SPRY3: variants seen among roughly 807,000 people sequenced by gnomAD.
SPRY3 encodes the protein sprouty RTK signaling antagonist 3, also known as protein sprouty homolog 3.
SPRY3 carries 15 observed loss-of-function variants against 20.2 expected under a neutral mutation model. The ratio of observed to expected loss-of-function variants is 0.74; its 90% CI spans 0.50 to 1.14. The LOEUF (loss-of-function observed/expected upper bound fraction) is 1.14, where lower values mean the gene tolerates loss of function less well. Ranked by LOEUF, SPRY3 falls within the 50% of genes most tolerant of loss-of-function variation. The probability of loss-of-function intolerance (pLI) is 0.00; values close to 1 mark genes in which losing one functional copy is unlikely to be tolerated. For missense variants in SPRY3, 364 were observed against 363.9 expected (o/e 1.00, Z 0.00); for synonymous variants, 143 against 136.5 (o/e 1.05, Z -0.33).
intron 2 of SPRY3, among the ~76,000 whole-genome samples, chrX:155,752,991 T>C (rs188585594): frequency 2.0e-5 from 3 of 152,028 alleles, no homozygotes; most frequent in South Asian, 2.1e-4. Context: ...ATTTATTAGT[T>C]AGAGACAGGT....
At chrX:155,721,308 T>C (rs2091055759) in intron 2 of SPRY3, among the ~76,000 whole-genome samples, 1 of 151,760 alleles carries the variant, frequency 6.6e-6, no homozygotes, top group Non-Finnish European at 1.5e-5. Flanking sequence ...ATCTAGAAAA[T>C]AGCCTGAAAA....
chrX:155,621,064 C>T (rs782016213), intron 1 of SPRY3, among the ~76,000 whole-genome samples: 2 of 111,474 alleles, frequency 1.8e-5, no homozygotes, highest in Non-Finnish European at 3.8e-5. Flanking sequence ...CCAGTAATGC[C>T]AATGGCTGCC....
At chrX:155,736,471 T>C (rs920816982) in intron 2 of SPRY3, among the ~76,000 whole-genome samples, 3 of 151,994 alleles carry the variant, frequency 2.0e-5, no homozygotes, top group African/African-American at 4.8e-5. Context: ...AACTCTAGGT[T>C]GGTGGGTTTT....
chrX:155,663,034 T>G (rs185655678), intron 2 of SPRY3, among the ~76,000 whole-genome samples: 103 of 112,102 alleles, frequency 9.2e-4, no homozygotes, highest in African/African-American at 3.2e-3. Context: ...TAATGTAGTA[T>G]TAGAGTTCTT....
chrX:155,671,915 A>G (rs1381309239), intron 2 of SPRY3, among the ~76,000 whole-genome samples: 1 of 111,410 alleles, frequency 9.0e-6, no homozygotes, highest in African/African-American at 3.3e-5. Flanking sequence ...TCCTTTCCCC[A>G]TTGCTTGTTT....
At chrX:155,630,036 T>C (rs1345220603) in intron 1 of SPRY3, among the ~76,000 whole-genome samples, 1 of 111,885 alleles carries the variant, frequency 8.9e-6, no homozygotes, top group African/African-American at 3.2e-5. Context: ...ATCATATAGT[T>C]ATAACAGGTT....
At chrX:155,757,226 A>G (rs2091286867) in intron 2 of SPRY3, among the ~76,000 whole-genome samples, 2 of 151,190 alleles carry the variant, frequency 1.3e-5, no homozygotes, top group African/African-American at 4.9e-5. Context: ...CACCCTTCCC[A>G]CTCTAGGCAT....
chrX:155,729,117 GGAGACTTCAACA>G (rs1475587461), intron 2 of SPRY3, among the ~76,000 whole-genome samples: 1 of 152,058 alleles, frequency 6.6e-6, no homozygotes, highest in Non-Finnish European at 1.5e-5. Context: ...AATAATAGCT[GGAGACTTCAACA>G]GCCCACTTTT....
chrX:155,649,066 C>A (rs1263704738), intron 1 of SPRY3, among the ~76,000 whole-genome samples: 1 of 111,230 alleles, frequency 9.0e-6, no homozygotes, highest in Non-Finnish European at 1.9e-5. Context: ...AAGACTAAAC[C>A]AGGAAGAAGT....
chrX:155,721,370 G>A (rs1383774629), intron 2 of SPRY3, among the ~76,000 whole-genome samples: 2 of 152,082 alleles, frequency 1.3e-5, no homozygotes, highest in Non-Finnish European at 2.9e-5. Context: ...GGGTAGGGGA[G>A]GGTAGAAAGT....
intron 2 of SPRY3, among the ~76,000 whole-genome samples, chrX:155,756,651 CAG>C (rs1054799247): frequency 6.6e-6 from 1 of 152,046 alleles, no homozygotes; most frequent in African/African-American, 2.4e-5. Context: ...CCATCAAAAA[CAG>C]AATGCATGTG....
chrX:155,657,702 C>T (rs1443747868), intron 2 of SPRY3, among the ~76,000 whole-genome samples: 18 of 111,934 alleles, frequency 1.6e-4, no homozygotes, highest in African/African-American at 3.9e-4. Flanking sequence ...AGTGTCTGCC[C>T]GAACAGCCGC....
At chrX:155,634,717 A>G (rs1425593569) in intron 1 of SPRY3, among the ~76,000 whole-genome samples, 1 of 110,097 alleles carries the variant, frequency 9.1e-6, no homozygotes, top group African/African-American at 3.3e-5. Flanking sequence ...CCATAGAAGG[A>G]TCCTCAAACA....
At chrX:155,662,364 C>G (rs1603126044) in intron 2 of SPRY3, among the ~76,000 whole-genome samples, 1 of 110,667 alleles carries the variant, frequency 9.0e-6, no homozygotes, top group Non-Finnish European at 1.9e-5. Flanking sequence ...TGCTGATTAT[C>G]TGATTATAGT....
intron 2 of SPRY3, among the ~76,000 whole-genome samples, chrX:155,742,024 T>C (rs1407415677): frequency 6.6e-6 from 1 of 152,096 alleles, no homozygotes; most frequent in East Asian, 1.9e-4. Flanking sequence ...ATTAGCTAAA[T>C]GCCCCAATTA....
At chrX:155,743,532 T>C (rs2091213148) in intron 2 of SPRY3, among the ~76,000 whole-genome samples, 1 of 152,148 alleles carries the variant, frequency 6.6e-6, no homozygotes, top group Admixed American at 6.6e-5. Context: ...TGGCAGCACC[T>C]GCTTTCTTAG....
At chrX:155,700,634 A>T (rs868654908) in intron 2 of SPRY3, among the ~76,000 whole-genome samples, 1,031 of 45,485 alleles carry the variant, frequency 0.023, 113 homozygotes, top group African/African-American at 0.089. Flanking sequence ...TTTTTTTTTT[A>T]TTATACTCTA....
chrX:155,731,524 T>C (rs1443810615), intron 2 of SPRY3, among the ~76,000 whole-genome samples: 1 of 152,122 alleles, frequency 6.6e-6, no homozygotes. Flanking sequence ...GATTAAAGAC[T>C]TAAATCTAAT....
intron 2 of SPRY3, among the ~76,000 whole-genome samples, chrX:155,664,518 A>G (rs1234644891): frequency 2.7e-5 from 3 of 109,645 alleles, no homozygotes; most frequent in Non-Finnish European, 3.8e-5. Context: ...AAATAGACAA[A>G]TAAATGGTGG....
Sources: gnomAD v4.1 joint callset for allele counts (sites outside exome capture counted in the v4.1 genomes callset) on GRCh38, gnomAD v4.1.1 for gene constraint, MANE v1.5 for transcripts, NCBI Gene and HGNC (gene_info 2026-07-23, HGNC 2026-07-21) for gene names.